Variants in SIPA1L2 observed in about 807,000 individuals in gnomAD.
SIPA1L2 encodes the protein signal-induced proliferation-associated 1-like protein 2.
Under a neutral mutation model 163.9 loss-of-function variants are expected in SIPA1L2, and 56 were observed. The ratio of observed to expected loss-of-function variants is 0.34; its 90% CI spans 0.28 to 0.43. The LOEUF (loss-of-function observed/expected upper bound fraction) is 0.43. SIPA1L2 is among the 20% of genes least tolerant of loss of function. The pLI is 1.00. For synonymous variants in SIPA1L2, 877 were observed against 865.7 expected (o/e 1.01, Z -0.23); for missense variants, 1,974 against 2,193.5 (o/e 0.90, Z 2.00).
intron 6 of SIPA1L2, among the ~76,000 whole-genome samples, chr1:232,480,799 T>C (rs1443962327): frequency 6.6e-6 from 1 of 152,236 alleles, no homozygotes; most frequent in Non-Finnish European, 1.5e-5. Flanking sequence ...TAAGTAGTCA[T>C]TTTAAGTTAA....
chr1:232,592,917 A>C (rs80066409), intron 1 of SIPA1L2, among the ~76,000 whole-genome samples: 1,531 of 152,226 alleles, frequency 0.01, 25 homozygotes, highest in African/African-American at 0.035. Context: ...ATTAGTCCCA[A>C]GTAATGAAGA....
At chr1:232,461,686 C>T (rs564727617) in intron 9 of SIPA1L2, among the ~76,000 whole-genome samples, 2 of 152,286 alleles carry the variant, frequency 1.3e-5, no homozygotes, top group Admixed American at 1.3e-4. Context: ...AAAAACACCC[C>T]AAAGCACTTG....
chr1:232,577,027 G>A (rs1005985780), intron 1 of SIPA1L2, among the ~76,000 whole-genome samples: 2 of 152,006 alleles, frequency 1.3e-5, no homozygotes, highest in African/African-American at 4.8e-5. Context: ...ATTAGAAGAC[G>A]TCCTATAGGG....
chr1:232,416,112 C>G (rs1661248092), intron 18 of SIPA1L2, among the ~76,000 whole-genome samples: 2 of 149,654 alleles, frequency 1.3e-5, no homozygotes, highest in African/African-American at 4.9e-5. Flanking sequence ...CAGAGTCAGT[C>G]AGAACACGGG....
chr1:232,407,348 C>T (rs1463216490), intron 19 of SIPA1L2, among the ~76,000 whole-genome samples: 1 of 152,130 alleles, frequency 6.6e-6, no homozygotes, highest in African/African-American at 2.4e-5. Flanking sequence ...TATATACACA[C>T]ACTCTCTCAT....
At chr1:232,538,266 T>C (rs763597939) in intron 2 of SIPA1L2, among the ~76,000 whole-genome samples, 2 of 152,012 alleles carry the variant, frequency 1.3e-5, no homozygotes, top group Non-Finnish European at 2.9e-5. Flanking sequence ...TGCACCAGAA[T>C]CACTCAGGCA....
chr1:232,493,902 C>T (rs189258190), intron 3 of SIPA1L2, among the ~76,000 whole-genome samples: 33 of 152,282 alleles, frequency 2.2e-4, no homozygotes, highest in African/African-American at 7.9e-4. Context: ...GCAAAAGCCT[C>T]CCTAACCCAA....
intron 1 of SIPA1L2, among the ~76,000 whole-genome samples, chr1:232,597,689 C>G: frequency 1.5e-5 from 1 of 65,400 alleles, no homozygotes; most frequent in East Asian, 4.7e-4. Flanking sequence ...AACTCTGTCT[C>G]AAAAAAAAAA....
At chr1:232,536,879 T>C (rs1284104565) in intron 2 of SIPA1L2, among the ~76,000 whole-genome samples, 2 of 152,234 alleles carry the variant, frequency 1.3e-5, no homozygotes, top group African/African-American at 4.8e-5. Flanking sequence ...TGGCTGAAGA[T>C]GTTTTATCTC....
rs1231456649 is a variant in SIPA1L2, at chr1:232,508,717, G to C, written c.1483+5140C>G. On this transcript the variant is annotated intron_variant, in intron 3 of 22. Transcript: ENST00000674635. ...CAGTAATGTGACAAACGGCACCAAT[G>C]TGTCTTCATGGTTATCGCCCGTGAA... Among the ~76,000 whole-genome samples the C allele has an allele frequency of 2.6e-5, 4 of 152,220 alleles. No homozygotes were observed. The South Asian group carries it at 8.3e-4, about 31-fold the overall frequency.
intron 11 of SIPA1L2, among the ~76,000 whole-genome samples, chr1:232,445,252 G>A (rs1027914353): frequency 2.0e-5 from 3 of 152,192 alleles, no homozygotes; most frequent in African/African-American, 7.2e-5. Flanking sequence ...CCATCTTGGG[G>A]AAGAGAGCCA....
intron 8 of SIPA1L2, among the ~76,000 whole-genome samples, chr1:232,466,243 C>G (rs1299204264): frequency 2.6e-5 from 4 of 152,096 alleles, no homozygotes; most frequent in African/African-American, 9.7e-5. Flanking sequence ...TTACAAGAGC[C>G]AAAAGTTTTA....
At position 232,483,993 on chromosome 1, in the gene SIPA1L2, T is replaced by G. The variant is rs1338375787; in HGVS notation, c.1807-27A>C. The G allele has an allele frequency of 2.5e-6, 4 of 1,591,428 alleles. No individual in the cohort carries two copies. In the Admixed American group the frequency reaches 7.4e-5, roughly 30 times the overall value. Reference sequence around the variant, plus strand: ...TGAAATGGGGGAGAAATATAATTACTTGGCAAAGCATATCAGACAAGCTAA... The same window carrying G: ...TGAAATGGGGGAGAAATATAATTACGTGGCAAAGCATATCAGACAAGCTAA... On this transcript the variant is annotated intron_variant, in intron 5 of 22. Transcript: ENST00000674635.
At chr1:232,544,596 T>G (rs1558258252) in intron 2 of SIPA1L2, among the ~76,000 whole-genome samples, 1 of 150,612 alleles carries the variant, frequency 6.6e-6, no homozygotes, top group African/African-American at 2.5e-5. Flanking sequence ...AAGAATGATC[T>G]TTATCTCTCA....
At chr1:232,522,350 G>C (rs1476770101) in intron 2 of SIPA1L2, among the ~76,000 whole-genome samples, 1 of 152,006 alleles carries the variant, frequency 6.6e-6, no homozygotes, top group Non-Finnish European at 1.5e-5. Flanking sequence ...CTTTGTACAT[G>C]CACTACCTCT....
intron 12 of SIPA1L2, among the ~76,000 whole-genome samples, chr1:232,443,344 A>G (rs893513761): frequency 1.3e-5 from 2 of 152,200 alleles, no homozygotes; most frequent in African/African-American, 4.8e-5. Context: ...CTAAGCCCTC[A>G]CATCCTTAAT....
rs540850937 is a variant in SIPA1L2, at chr1:232,583,947, A to C, written c.-318-9725T>G. Among the ~76,000 whole-genome samples the C allele has an allele frequency of 1.5e-4, 22 of 151,600 alleles. No homozygotes were observed. In the South Asian group the frequency reaches 4.6e-3, roughly 31 times the overall value. The stretch of plus-strand genomic sequence containing the variant: ...ATAGAAACTAGAATCCCTCTTCCCA[A>C]AGACAGGTCATAGAAACTAGAATCC... On this transcript the variant is annotated intron_variant, in intron 1 of 22. Coordinates refer to ENST00000674635, the MANE Select transcript of SIPA1L2 (RefSeq NM_020808.5).
In SIPA1L2 at chr1:232,514,592, T is replaced by C; in HGVS notation, c.748A>G (p.Ile250Val). ...ATGCGGACAAATTCTCCCCTAGAAA[T>C]CTGTGCTGCTGCATGAAGGCTCGGA... ...ISPSLHAAAQ[I>V]SRGEFVRISG... Residue 250 changes from isoleucine to valine, a missense_variant, in exon 3 of 23, where the codon ATT (isoleucine) becomes GTT (valine). Coordinates refer to ENST00000674635, the MANE Select transcript of SIPA1L2 (RefSeq NM_020808.5). The C allele has an allele frequency of 6.2e-7, 1 of 1,614,190 alleles. No individual in the cohort carries two copies. Among genetic ancestry groups the C allele is most frequent in the Non-Finnish European group, 8.5e-7 (1 of 1,180,026 alleles).
chr1:232,544,400 A>T (rs920700567), intron 2 of SIPA1L2, among the ~76,000 whole-genome samples: 1 of 152,132 alleles, frequency 6.6e-6, no homozygotes, highest in Non-Finnish European at 1.5e-5. Context: ...CTCTACTAAA[A>T]ATACAAAAAA....
Sources: gnomAD v4.1 joint callset for allele counts (sites outside exome capture counted in the v4.1 genomes callset) on GRCh38, gnomAD v4.1.1 for gene constraint, MANE v1.5 for transcripts, NCBI Gene and HGNC (gene_info 2026-07-23, HGNC 2026-07-21) for gene names.